MOSMO: variants seen among roughly 807,000 people sequenced by gnomAD.
MOSMO encodes the protein modulator of smoothened.
A neutral mutation model predicts 18.4 loss-of-function variants in MOSMO; 5 were observed. The observed-to-expected ratio is 0.27, with a 90% confidence interval of 0.14 to 0.57. The LOEUF (loss-of-function observed/expected upper bound fraction) is 0.57, where lower values mean the gene tolerates loss of function less well. Ranked by LOEUF, MOSMO falls within the 20% of genes least tolerant of loss-of-function variation. The probability of loss-of-function intolerance (pLI) is 0.92; values close to 1 mark genes in which losing one functional copy is unlikely to be tolerated. For missense variants in MOSMO, 138 were observed against 211.8 expected (o/e 0.65, Z 2.16); for synonymous variants, 82 against 82.3 (o/e 1.00, Z 0.02).
At chr16:22,016,404 G>A (rs753650834) in intron 1 of MOSMO, among the ~76,000 whole-genome samples, 4 of 152,108 alleles carry the variant, frequency 2.6e-5, no homozygotes, top group African/African-American at 4.8e-5. Context: ...TGTACTGTCT[G>A]TCTTATTTAT....
chr16:22,017,522 C>T (rs933542518), intron 1 of MOSMO, among the ~76,000 whole-genome samples: 4 of 152,098 alleles, frequency 2.6e-5, no homozygotes, highest in African/African-American at 4.8e-5. Flanking sequence ...ATTAGAAAAC[C>T]TGATCCGATT....
chr16:22,069,262 T>G (rs1281994973), intron 1 of MOSMO, among the ~76,000 whole-genome samples: 1 of 152,150 alleles, frequency 6.6e-6, no homozygotes, highest in Non-Finnish European at 1.5e-5. Flanking sequence ...ACAGCATATA[T>G]GAGGGCCTGG....
At position 22,075,657 on chromosome 16, in the gene MOSMO, A is replaced by G; in HGVS notation, c.277A>G (p.Arg93Gly). The stretch of plus-strand genomic sequence containing the variant: ...TTTGCTGGTGGCTTCCCACTGGCGA[A>G]GAGAAGCTACAAAATATGCTCGATG... Reference protein sequence around the residue: ...CGLLVASHWRREATKYARWIA... With the variant: ...CGLLVASHWRGEATKYARWIA... Residue 93 changes from arginine (R) to glycine (G), a missense_variant, in exon 2 of 3, where the codon AGA becomes GGA. Transcript: ENST00000542527. 2.6e-6 allele frequency: 4 copies of G among 1,537,370 alleles called. No homozygotes were observed. Among genetic ancestry groups the G allele is most frequent in the Non-Finnish European group, 2.6e-6 (3 of 1,146,912 alleles).
chr16:22,092,410 T>C, downstream of MOSMO: 2 of 466,984 alleles, frequency 4.3e-6, no homozygotes, highest in Admixed American at 6.9e-5. Flanking sequence ...GAAGTGGTTA[T>C]CAACAACACA....
chr16:22,013,556 C>T (rs1003826293), intron 1 of MOSMO, among the ~76,000 whole-genome samples: 1 of 151,988 alleles, frequency 6.6e-6, no homozygotes, highest in South Asian at 2.1e-4. Context: ...AGTAAAGCTG[C>T]GTCTCTGATA....
At chr16:22,021,151 G>C (rs1899754207) in intron 1 of MOSMO, among the ~76,000 whole-genome samples, 1 of 152,210 alleles carries the variant, frequency 6.6e-6, no homozygotes, top group Admixed American at 6.5e-5. Context: ...TGGATCCAAT[G>C]TTCCTCATCT....
chr16:22,059,338 T>G (rs1280168847), intron 1 of MOSMO, among the ~76,000 whole-genome samples: 4 of 152,174 alleles, frequency 2.6e-5, no homozygotes, highest in African/African-American at 4.8e-5. Flanking sequence ...GCAGCCTTTT[T>G]TCATGAGTTG....
At chr16:22,067,789 G>A (rs1236989412) in intron 1 of MOSMO, among the ~76,000 whole-genome samples, 1 of 152,114 alleles carries the variant, frequency 6.6e-6, no homozygotes, top group Non-Finnish European at 1.5e-5. Flanking sequence ...TGAGGTAGGA[G>A]GATCGCTTGA....
chr16:22,045,275 TGTTCATAGTTA>T (rs1176971201), intron 1 of MOSMO, among the ~76,000 whole-genome samples: 1 of 152,058 alleles, frequency 6.6e-6, no homozygotes, highest in African/African-American at 2.4e-5. Flanking sequence ...GATTCTAATA[TGTTCATAGTTA>T]ATTCATAGTG....
chr16:22,048,260 G>A (rs181521623), intron 1 of MOSMO, among the ~76,000 whole-genome samples: 7 of 152,300 alleles, frequency 4.6e-5, no homozygotes, highest in Admixed American at 3.9e-4. Flanking sequence ...AGAAATAACA[G>A]TACCTCCCTC....
At chr16:22,020,763 T>C (rs187440665) in intron 1 of MOSMO, among the ~76,000 whole-genome samples, 4 of 152,358 alleles carry the variant, frequency 2.6e-5, no homozygotes, top group Non-Finnish European at 1.5e-5. Flanking sequence ...CTTTACTATT[T>C]GCATTTTCAA....
intron 1 of MOSMO, among the ~76,000 whole-genome samples, chr16:22,044,475 C>G (rs1451548203): frequency 6.6e-6 from 1 of 152,096 alleles, no homozygotes; most frequent in Non-Finnish European, 1.5e-5. Flanking sequence ...CTCCAGAATC[C>G]AAAACTTTTT....
chr16:22,042,741 G>A (rs1315133988), intron 1 of MOSMO, among the ~76,000 whole-genome samples: 4 of 152,210 alleles, frequency 2.6e-5, no homozygotes, highest in Non-Finnish European at 4.4e-5. Context: ...AAACCAACCT[G>A]CTGAGTTTTC....
intron 1 of MOSMO, among the ~76,000 whole-genome samples, chr16:22,074,640 C>T (rs1900927921): frequency 6.6e-6 from 1 of 152,052 alleles, no homozygotes; most frequent in African/African-American, 2.4e-5. Context: ...TATAAATTAC[C>T]CCAAATTTGA....
chr16:22,038,212 T>C (rs929275577), intron 1 of MOSMO, among the ~76,000 whole-genome samples: 2 of 152,208 alleles, frequency 1.3e-5, no homozygotes, highest in Non-Finnish European at 2.9e-5. Flanking sequence ...AAAAGTACAT[T>C]AGTCTTAAAG....
intron 1 of MOSMO, among the ~76,000 whole-genome samples, chr16:22,041,644 G>C (rs1218786535): frequency 2.0e-5 from 3 of 152,126 alleles, no homozygotes; most frequent in African/African-American, 7.2e-5. Context: ...GGAAAGAGAA[G>C]AAGTTCATCT....
chr16:22,086,057 G>A (rs1236126824), downstream of MOSMO: 1 of 152,114 alleles, frequency 6.6e-6, no homozygotes, highest in Non-Finnish European at 1.5e-5. Context: ...CACTCAACTA[G>A]ATATCAGCAG....
chr16:22,059,519 G>C (rs1900601971), intron 1 of MOSMO, among the ~76,000 whole-genome samples: 2 of 152,180 alleles, frequency 1.3e-5, no homozygotes, highest in Non-Finnish European at 2.9e-5. Context: ...AATTTATAAA[G>C]AAAAGAGGTT....
intron 1 of MOSMO, among the ~76,000 whole-genome samples, chr16:22,029,929 G>C (rs1390731662): frequency 6.6e-6 from 1 of 152,192 alleles, no homozygotes; most frequent in East Asian, 1.9e-4. Flanking sequence ...CATCTGGCCA[G>C]AATTTCTGAG....
Sources: allele counts gnomAD v4.1 joint callset (sites outside exome capture counted in the v4.1 genomes callset), GRCh38; gene constraint gnomAD v4.1.1; transcripts MANE v1.5; gene names NCBI Gene and HGNC (gene_info 2026-07-23, HGNC 2026-07-21).